The following E2F3 variants were observed in gnomAD, a reference collection of about 807,000 sequenced individuals.
The protein encoded by E2F3 is E2F transcription factor 3.
E2F3 carries 11 observed loss-of-function variants against 44.4 expected under a neutral mutation model. The ratio of observed to expected loss-of-function variants is 0.25; its 90% CI spans 0.16 to 0.41. E2F3 has a LOEUF of 0.41. Ranked by LOEUF, E2F3 falls within the 10% of genes least tolerant of loss-of-function variation. E2F3 has a pLI of 1.00. For synonymous variants in E2F3, 249 were observed against 253.0 expected (o/e 0.98, Z 0.15); for missense variants, 487 against 583.6 (o/e 0.83, Z 1.70).
chr6:20,450,324 G>A (rs1231962123), intron 1 of E2F3, among the ~76,000 whole-genome samples: 1 of 152,116 alleles, frequency 6.6e-6, no homozygotes, highest in Non-Finnish European at 1.5e-5. Context: ...TCTGTCTGGT[G>A]TGAGATGGTA....
chr6:20,425,739 TCTCTAG>T (rs1760195907), intron 1 of E2F3, among the ~76,000 whole-genome samples: 1 of 152,086 alleles, frequency 6.6e-6, no homozygotes, highest in South Asian at 2.1e-4. Flanking sequence ...GTGTCTTAGC[TCTCTAG>T]TGGAGGAACA....
At position 20,402,464 on chromosome 6, in the gene E2F3, G is replaced by A. The variant is rs1759335581; in HGVS notation, c.232G>A (p.Ala78Thr). The A allele has an allele frequency of 9.3e-6, 15 of 1,609,562 alleles. No individual in the cohort carries two copies. The highest frequency in any genetic ancestry group is 1.2e-5 in the Non-Finnish European group (14 of 1,179,348). ...CTGTTCCTCCTCCCTCCAAAGCGGCGCCGTAGCCGCCGGCCCCCTCCTCCC... is the reference window on the plus strand; with the variant it reads ...CTGTTCCTCCTCCCTCCAAAGCGGCACCGTAGCCGCCGGCCCCCTCCTCCC... Reference protein sequence around the residue: ...TSCSSSLQSGAVAAGPLLPSA... With the variant: ...TSCSSSLQSGTVAAGPLLPSA... The change falls in exon 1 of 7, where the codon GCC (alanine) becomes ACC (threonine). Residue 78 changes from alanine to threonine, a missense_variant. Ala to Thr is a moderately conservative substitution (Grantham distance 58, BLOSUM62 0). Coordinates refer to ENST00000346618, the MANE Select transcript of E2F3 (RefSeq NM_001949.5). This position sits in a 1 kb window ranked among gnomAD's most constrained non-coding sequence, Gnocchi z 5.6.
chr6:20,414,691 C>A (rs763105693), intron 1 of E2F3, among the ~76,000 whole-genome samples: 10 of 152,160 alleles, frequency 6.6e-5, no homozygotes, highest in Non-Finnish European at 1.5e-4. Context: ...TTGTGACGAT[C>A]ACACTAATAA....
intron 2 of E2F3, 94 bp from the exon 3 acceptor site, chr6:20,481,112 G>T: frequency 8.6e-7 from 1 of 1,166,260 alleles, no homozygotes; most frequent in South Asian, 1.4e-5. Flanking sequence ...TTTGGCTGCA[G>T]TGGGAAAGAG....
intron 1 of E2F3, among the ~76,000 whole-genome samples, chr6:20,442,508 T>C (rs1760810693): frequency 6.6e-6 from 1 of 152,232 alleles, no homozygotes; most frequent in Non-Finnish European, 1.5e-5. Flanking sequence ...ATTTTTATCC[T>C]TACGTAGTTA....
rs751178314 is a variant in E2F3 at position 20,470,659 on chromosome 6, C to T, written c.394-9187C>T. Among the ~76,000 whole-genome samples, 75 of 152,280 alleles carry T rather than the reference C, an allele frequency of 4.9e-4. 1 individual carries two copies. Among genetic ancestry groups the T allele is most frequent in the Admixed American group, 1.8e-3 (27 of 15,294 alleles). On this transcript the variant is annotated intron_variant, in intron 1 of 6. Coordinates refer to ENST00000346618, the MANE Select transcript of E2F3 (RefSeq NM_001949.5). ...ACCTGTCTCGTCTTTGGTTTTGAGA[C>T]AAAAGGTATCATCTATCAAGTTCTA...
chr6:20,472,030 A>G (rs1028634889), intron 1 of E2F3, among the ~76,000 whole-genome samples: 6 of 95,568 alleles, frequency 6.3e-5, no homozygotes, highest in Non-Finnish European at 1.3e-4. Flanking sequence ...CCTCCAACAC[A>G]CACACACACA....
chr6:20,446,576 T>TAG (rs1183358969), intron 1 of E2F3, among the ~76,000 whole-genome samples: 1 of 152,210 alleles, frequency 6.6e-6, no homozygotes, highest in Non-Finnish European at 1.5e-5. Context: ...TTTATTTATT[T>TAG]AGAGACAGAG....
Position 20,402,791 on chromosome 6 carries a change from T to C in E2F3, c.393+166T>C. Among the ~76,000 whole-genome samples, 1 of 151,734 alleles carries C rather than the reference T, an allele frequency of 6.6e-6. No homozygotes were observed. The highest frequency in any genetic ancestry group is 1.5e-5 in the Non-Finnish European group (1 of 67,842). On this transcript the variant is annotated intron_variant, in intron 1 of 6. Coordinates refer to ENST00000346618, the MANE Select transcript of E2F3 (RefSeq NM_001949.5). The surrounding 1 kb of genome is among the most constrained non-coding windows in gnomAD (Gnocchi z 5.6). ...GGTTCATTGTTAGACCTGAGTGCTC[T>C]TCCCGGCGCCAGGAGGGTCGGGGGG...
At chr6:20,457,415 G>C (rs941754263) in intron 1 of E2F3, among the ~76,000 whole-genome samples, 1 of 127,808 alleles carries the variant, frequency 7.8e-6, no homozygotes, top group Non-Finnish European at 1.6e-5. Context: ...TCGATCTCTT[G>C]ACCTCAGGTA....
At chr6:20,436,452 A>AACACACACACACACACACACAC (rs765678025) in intron 1 of E2F3, among the ~76,000 whole-genome samples, 1 of 146,232 alleles carries the variant, frequency 6.8e-6, no homozygotes, top group Non-Finnish European at 1.5e-5. Flanking sequence ...TGAGCTAGGA[A>AACACACACACACACACACACAC]ACACACACAC....
At chr6:20,479,641 G>T (rs775339887) in intron 1 of E2F3, among the ~76,000 whole-genome samples, 1 of 152,220 alleles carries the variant, frequency 6.6e-6, no homozygotes, top group East Asian at 1.9e-4. Flanking sequence ...GGATGATCAC[G>T]GCAGGTGAAG....
intron 1 of E2F3, among the ~76,000 whole-genome samples, chr6:20,442,439 T>A (rs1490764965): frequency 3.3e-5 from 5 of 152,258 alleles, no homozygotes; most frequent in African/African-American, 1.2e-4. Context: ...CTGTGCTTTT[T>A]ATTCCTGAAA....
intron 1 of E2F3, among the ~76,000 whole-genome samples, chr6:20,443,563 G>C (rs1228944875): frequency 6.6e-6 from 1 of 151,906 alleles, no homozygotes; most frequent in Non-Finnish European, 1.5e-5. Context: ...AACATAGCCA[G>C]ACCCCTATCT....
chr6:20,474,141 T>C (rs1267986142), intron 1 of E2F3, among the ~76,000 whole-genome samples: 1 of 152,030 alleles, frequency 6.6e-6, no homozygotes, highest in East Asian at 1.9e-4. Flanking sequence ...CTTGCTGTGC[T>C]GCCCAGGTTG....
At chr6:20,472,126 A>G (rs147413401) in intron 1 of E2F3, among the ~76,000 whole-genome samples, 2 of 147,600 alleles carry the variant, frequency 1.4e-5, no homozygotes, top group Non-Finnish European at 3.0e-5. Flanking sequence ...TTACCTGCCA[A>G]GGGACTTTGG....
intron 1 of E2F3, among the ~76,000 whole-genome samples, chr6:20,445,597 G>C (rs915172660): frequency 2.2e-4 from 34 of 152,254 alleles, no homozygotes; most frequent in Admixed American, 1.5e-3. Context: ...CTTGTAATCA[G>C]TAGCTTCTTA....
chr6:20,488,991 CAAAAA>C (rs1246399677), intron 6 of E2F3, among the ~76,000 whole-genome samples: 1 of 150,330 alleles, frequency 6.7e-6, no homozygotes, highest in Non-Finnish European at 1.5e-5. Context: ...GACTCCATCT[CAAAAA>C]AAGAAAAGAA....
intron 1 of E2F3, among the ~76,000 whole-genome samples, chr6:20,433,446 C>T (rs193206087): frequency 3.9e-5 from 6 of 152,216 alleles, no homozygotes; most frequent in Admixed American, 3.9e-4. Flanking sequence ...TGAAATTTAG[C>T]GTTTTCTTCT....
Sources: gnomAD v4.1 joint callset for allele counts (sites outside exome capture counted in the v4.1 genomes callset) on GRCh38, gnomAD v4.1.1 for gene constraint, Gnocchi (gnomAD v3.1) non-coding constraint, MANE v1.5 for transcripts, NCBI Gene and HGNC (gene_info 2026-07-23, HGNC 2026-07-21) for gene names.